P4HA1: variants seen among roughly 807,000 people sequenced by gnomAD.
P4HA1 encodes prolyl 4-hydroxylase subunit alpha-1.
A neutral mutation model predicts 72.8 loss-of-function variants in P4HA1; 24 were observed. The observed-to-expected ratio is 0.33, with a 90% CI of 0.24 to 0.46. The LOEUF is 0.46. P4HA1 is among the 20% of genes least tolerant of loss of function. The probability of loss-of-function intolerance (pLI) is 1.00; values close to 1 mark genes in which losing one functional copy is unlikely to be tolerated. For synonymous variants in P4HA1, 201 were observed against 218.8 expected (o/e 0.92, Z 0.72); for missense variants, 446 against 640.6 (o/e 0.70, Z 3.28).
intron 9 of P4HA1, among the ~76,000 whole-genome samples, chr10:73,030,729 T>C (rs1392886545): frequency 6.6e-6 from 1 of 152,196 alleles, no homozygotes; most frequent in Non-Finnish European, 1.5e-5. Context: ...AGGTAAGGTA[T>C]AGGAACTGAC....
chr10:73,030,384 G>A lies in P4HA1; in HGVS notation c.1149-14C>T, dbSNP rs202217261. 2 of 1,390,074 alleles carry A rather than the reference G, an allele frequency of 1.4e-6. No homozygotes were observed. The highest frequency in any genetic ancestry group is 2.0e-6 in the Non-Finnish European group (2 of 998,810). 86.1% of individuals were successfully genotyped at this position (1,390,074 alleles called of 1,614,324 possible). ...GAGAGCCAGGCACTAAGAATAAGAG[G>A]AATATTAGTTTTATTGATAATGTTT... On this transcript the variant is annotated splice_polypyrimidine_tract_variant and intron_variant, in intron 9 of 14. Coordinates refer to ENST00000394890, the MANE Select transcript of P4HA1 (RefSeq NM_001017962.3).
Position 73,008,345 on chromosome 10 carries a change from A to G in P4HA1, c.1535-53T>C, listed in dbSNP as rs117426731. 1.5e-5 allele frequency: 17 copies of G among 1,140,844 alleles called. No homozygotes were observed. In the East Asian group the frequency reaches 3.6e-4, roughly 24 times the overall value. The allele number at this position is 1,140,844 out of a possible 1,614,324, so 70.7% of individuals were successfully genotyped here. A position where few individuals can be genotyped will look rare whatever the true frequency, so the allele number is the denominator to read the frequency against. Reference sequence around the variant, plus strand: ...TTCCCCCTTAATCTAATCAGTATTTAATTAGTTTCTAAAAGCTAGGTCTAT... The same window carrying G: ...TTCCCCCTTAATCTAATCAGTATTTGATTAGTTTCTAAAAGCTAGGTCTAT... On this transcript the variant is annotated intron_variant, in intron 14 of 14. Transcript: ENST00000394890.
chr10:73,095,024 C>A (rs1377442497), intron 1 of P4HA1, among the ~76,000 whole-genome samples: 1 of 151,986 alleles, frequency 6.6e-6, no homozygotes, highest in South Asian at 2.1e-4. Context: ...AGAAATAGTC[C>A]TTTTCCTAGT....
intron 1 of P4HA1, among the ~76,000 whole-genome samples, chr10:73,092,055 A>G (rs1046947883): frequency 4.6e-5 from 7 of 152,180 alleles, no homozygotes; most frequent in African/African-American, 1.7e-4. Context: ...TCTAGTCTTC[A>G]ATTATCTGTT....
intron 1 of P4HA1, among the ~76,000 whole-genome samples, chr10:73,088,646 A>G (rs947664451): frequency 1.3e-5 from 2 of 152,252 alleles, no homozygotes; most frequent in Non-Finnish European, 2.9e-5. Context: ...ACTTGTCCCA[A>G]TATTCACATA....
At chr10:73,090,963 G>C (rs1422258502) in intron 1 of P4HA1, among the ~76,000 whole-genome samples, 3 of 149,814 alleles carry the variant, frequency 2.0e-5, no homozygotes, top group African/African-American at 7.4e-5. Context: ...TCGGGAGGCT[G>C]AGGCAGAGAA....
intron 9 of P4HA1, among the ~76,000 whole-genome samples, chr10:73,044,613 T>G (rs557103480): frequency 6.6e-6 from 1 of 152,200 alleles, no homozygotes; most frequent in African/African-American, 2.4e-5. Context: ...GAAAACTGCA[T>G]AGGTGAAGAC....
chr10:73,093,955 T>C (rs1156888304), intron 1 of P4HA1, among the ~76,000 whole-genome samples: 3 of 143,836 alleles, frequency 2.1e-5, no homozygotes, highest in African/African-American at 7.6e-5. Flanking sequence ...ATTTTTTATA[T>C]ATATTCATAT....
chr10:73,084,803 C>T (rs1841892875), intron 1 of P4HA1, among the ~76,000 whole-genome samples: 1 of 152,034 alleles, frequency 6.6e-6, no homozygotes, highest in South Asian at 2.1e-4. Flanking sequence ...GTAAATTTAC[C>T]CTAAAATTAA....
At position 73,051,234 on chromosome 10, in the gene P4HA1, C is replaced by T. The variant is rs768117526; in HGVS notation, c.719G>A (p.Arg240Lys). 6.3e-7 allele frequency: 1 copy of T among 1,582,508 alleles called. No homozygotes were observed. The highest frequency in any genetic ancestry group is 8.7e-7 in the Non-Finnish European group (1 of 1,153,256). ...KLLELDPEHQ[R>K]ANGNLKYFEY... ...AAAATATTTTAAGTTACCATTAGCT[C>T]TCTGATGTTCAGGATCTATTAGAAG... is the stretch of plus-strand genomic sequence containing the variant. The change falls in exon 7 of 15, where the codon AGA (arginine) becomes AAA (lysine). Residue 240 changes from arginine (R) to lysine (K), a missense_variant. Coordinates refer to ENST00000394890, the MANE Select transcript of P4HA1 (RefSeq NM_001017962.3).
In P4HA1 at chr10:73,066,086, G is replaced by C. The variant is rs536342171; in HGVS notation, c.463+2760C>G. ...GAATAGTCATTACCTCTAAACAAGG[G>C]AAGGTGCACAAGAAGCCTTCGAACA... On this transcript the variant is annotated intron_variant, in intron 5 of 14. Transcript: ENST00000394890. Among the ~76,000 whole-genome samples, 4 of 152,302 alleles carry C rather than the reference G, an allele frequency of 2.6e-5. No homozygotes were observed. The East Asian group carries it at 7.7e-4, about 29-fold the overall frequency.
At chr10:73,087,393 T>A (rs1187782669) in intron 1 of P4HA1, among the ~76,000 whole-genome samples, 1 of 151,468 alleles carries the variant, frequency 6.6e-6, no homozygotes, top group Non-Finnish European at 1.5e-5. Flanking sequence ...CTCAGCCTCC[T>A]AGGTAGCTGG....
chr10:73,008,319 T>C (rs201132567), intron 14 of P4HA1, 27 bp from the exon 15 acceptor site: 10 of 1,371,490 alleles, frequency 7.3e-6, no homozygotes, highest in East Asian at 2.3e-5. Flanking sequence ...ATATATTAAT[T>C]TTCCCCCTTA....
At chr10:73,081,593 C>T (rs1841824104) in intron 1 of P4HA1, among the ~76,000 whole-genome samples, 2 of 152,098 alleles carry the variant, frequency 1.3e-5, no homozygotes, top group South Asian at 2.1e-4. Context: ...GAAGTCCAGT[C>T]CCACAGACTC....
chr10:73,065,603 G>C (rs1589614824), intron 5 of P4HA1: 1 of 152,094 alleles, frequency 6.6e-6, no homozygotes, highest in East Asian at 1.9e-4. Flanking sequence ...CCAAGAGCTG[G>C]CAAGGATATG....
At chr10:73,037,562 TA>T (rs1564624992) in intron 9 of P4HA1, among the ~76,000 whole-genome samples, 93 of 34,170 alleles carry the variant, frequency 2.7e-3, no homozygotes, top group African/African-American at 6.7e-3. Flanking sequence ...TATATATATA[TA>T]TATATATATT....
intron 1 of P4HA1, among the ~76,000 whole-genome samples, chr10:73,084,567 G>T (rs1443991297): frequency 6.6e-6 from 1 of 152,112 alleles, no homozygotes; most frequent in Non-Finnish European, 1.5e-5. Context: ...TCCCGCCTGA[G>T]CCTCCCAATG....
chr10:73,080,727 G>A (rs1267345573), intron 1 of P4HA1, among the ~76,000 whole-genome samples: 1 of 152,118 alleles, frequency 6.6e-6, no homozygotes, highest in Non-Finnish European at 1.5e-5. Flanking sequence ...AGGAGTTTGA[G>A]ACCAGCCTGG....
At chr10:73,073,631 A>G in intron 3 of P4HA1, 100 bp downstream of exon 3, 1 of 693,092 alleles carries the variant, frequency 1.4e-6, no homozygotes, top group Non-Finnish European at 2.6e-6. Context: ...GCTTTGTAAG[A>G]CTCAAAAATG....
Sources: allele counts gnomAD v4.1 joint callset (sites outside exome capture counted in the v4.1 genomes callset), GRCh38; gene constraint gnomAD v4.1.1; transcripts MANE v1.5; gene names NCBI Gene and HGNC (gene_info 2026-07-23, HGNC 2026-07-21).